Variants in MNAT1 observed in about 807,000 individuals in gnomAD.
MNAT1 encodes CDK-activating kinase assembly factor MAT1.
In MNAT1, 43 loss-of-function variants were observed where a neutral mutation model predicts 42.0. That is an observed-to-expected ratio of 1.02 (90% CI 0.80 to 1.32). MNAT1 has a LOEUF of 1.32. MNAT1 is among the 40% of genes most tolerant of loss of function. The probability of loss-of-function intolerance (pLI) is 0.00; values close to 1 mark genes in which losing one functional copy is unlikely to be tolerated. For synonymous variants in MNAT1, 118 were observed against 120.0 expected (o/e 0.98, Z 0.11); for missense variants, 306 against 350.4 (o/e 0.87, Z 1.01).
chr14:60,833,509 T>A (rs766839010), intron 6 of MNAT1, among the ~76,000 whole-genome samples: 1 of 152,220 alleles, frequency 6.6e-6, no homozygotes, highest in Non-Finnish European at 1.5e-5. Flanking sequence ...GAACCAACCT[T>A]GCATCCCAGG....
intron 7 of MNAT1, among the ~76,000 whole-genome samples, chr14:60,887,206 T>G (rs1211712551): frequency 6.6e-6 from 1 of 152,062 alleles, no homozygotes; most frequent in Non-Finnish European, 1.5e-5. Flanking sequence ...CAGAGCTGTT[T>G]TTTTTTCTTG....
At chr14:60,918,119 T>C (rs2139544571) in intron 7 of MNAT1, among the ~76,000 whole-genome samples, 1 of 151,982 alleles carries the variant, frequency 6.6e-6, no homozygotes. Context: ...ACCACCATCT[T>C]TTTTATTCCA....
chr14:60,955,317 G>A (rs1045058421), intron 7 of MNAT1, among the ~76,000 whole-genome samples: 1 of 151,964 alleles, frequency 6.6e-6, no homozygotes, highest in South Asian at 2.1e-4. Flanking sequence ...GGAGAATTCA[G>A]CAATGAAGCC....
chr14:60,828,917 G>A (rs1421604851), intron 6 of MNAT1, among the ~76,000 whole-genome samples: 2 of 152,160 alleles, frequency 1.3e-5, no homozygotes, highest in East Asian at 1.9e-4. Flanking sequence ...AGGTATGTGG[G>A]AAGGGACGTG....
chr14:60,882,931 A>G (rs1387192818), intron 7 of MNAT1, among the ~76,000 whole-genome samples: 3 of 152,058 alleles, frequency 2.0e-5, no homozygotes. Context: ...AAGTTGGATT[A>G]TTACATTTTT....
At chr14:60,792,073 T>A (rs2031841541) in intron 1 of MNAT1, among the ~76,000 whole-genome samples, 1 of 152,200 alleles carries the variant, frequency 6.6e-6, no homozygotes, top group Non-Finnish European at 1.5e-5. Flanking sequence ...GTAGCTAATT[T>A]GTAAGCAAAC....
intron 7 of MNAT1, among the ~76,000 whole-genome samples, chr14:60,883,665 G>T (rs556208922): frequency 6.6e-6 from 1 of 152,044 alleles, no homozygotes; most frequent in South Asian, 2.1e-4. Context: ...AGATTGCTTT[G>T]GGTACTATGG....
chr14:60,751,782 T>C (rs1344869622), intron 1 of MNAT1, among the ~76,000 whole-genome samples: 1 of 152,060 alleles, frequency 6.6e-6, no homozygotes, highest in Admixed American at 6.5e-5. Context: ...AAAAAGAATT[T>C]TGAGATGAGG....
chr14:60,966,285 A>G (rs2036681550), intron 7 of MNAT1, among the ~76,000 whole-genome samples: 1 of 151,750 alleles, frequency 6.6e-6, no homozygotes, highest in African/African-American at 2.4e-5. Flanking sequence ...GTGCCTGGCT[A>G]CTTTTTCTAT....
Position 60,866,527 on chromosome 14 carries a change from A to T in MNAT1, c.688-13187A>T, listed in dbSNP as rs185222850. Among the ~76,000 whole-genome samples, 23 of 152,064 alleles carry T rather than the reference A, an allele frequency of 1.5e-4. No individual in the cohort carries two copies. The East Asian group carries it at 4.1e-3, about 27-fold the overall frequency. ...TTTTGCATTTTTCAGGGAGGGAAAA[A>T]TTTGTACGAATGAAATTATAGTCAA... On this transcript the variant is annotated intron_variant, in intron 6 of 7. Transcript: ENST00000261245.
In MNAT1 at chr14:60,770,254, T is replaced by G. The variant is rs145480698; in HGVS notation, c.90-25963T>G. ...TGAGGTTCATCCATGTTTTAGCATG[T>G]GACAGGATTTCCTTTTTTAAAAGGT... On this transcript the variant is annotated intron_variant, in intron 1 of 7. Coordinates refer to ENST00000261245, the MANE Select transcript of MNAT1 (RefSeq NM_002431.4). 1.8e-3 allele frequency among the ~76,000 whole-genome samples: 267 copies of G among 152,332 alleles called. 1 individual carries two copies. The highest frequency in any genetic ancestry group is 5.7e-3 in the African/African-American group (237 of 41,586).
intron 7 of MNAT1, among the ~76,000 whole-genome samples, chr14:60,907,769 C>T (rs984774966): frequency 4.9e-5 from 4 of 81,446 alleles, no homozygotes; most frequent in African/African-American, 8.6e-5. Context: ...ACAACAAGAG[C>T]GAAACTGTGT....
At chr14:60,904,976 C>CTTTTTTTTTTTTTTTTTTTT in intron 7 of MNAT1, among the ~76,000 whole-genome samples, 1 of 79,008 alleles carries the variant, frequency 1.3e-5, no homozygotes. Context: ...TCAGCAGTTC[C>CTTTTTTTTTTTTTTTTTTTT]TTTTTTTTTT....
At chr14:60,952,266 T>C (rs2036397397) in intron 7 of MNAT1, among the ~76,000 whole-genome samples, 1 of 152,166 alleles carries the variant, frequency 6.6e-6, no homozygotes, top group African/African-American at 2.4e-5. Context: ...CAGTAGGCCT[T>C]GAATGGTAGG....
intron 7 of MNAT1, among the ~76,000 whole-genome samples, chr14:60,937,645 G>T (rs897466790): frequency 6.6e-6 from 1 of 152,184 alleles, no homozygotes; most frequent in Non-Finnish European, 1.5e-5. Context: ...TTGTAATATA[G>T]TTTGAAGTCA....
chr14:60,849,766 T>C (rs1284452654), intron 6 of MNAT1, among the ~76,000 whole-genome samples: 1 of 152,174 alleles, frequency 6.6e-6, no homozygotes, highest in Non-Finnish European at 1.5e-5. Context: ...CAGAAAATAA[T>C]GTTAGATACT....
intron 6 of MNAT1, among the ~76,000 whole-genome samples, chr14:60,824,418 AG>A (rs1274560591): frequency 1.3e-5 from 2 of 152,218 alleles, no homozygotes; most frequent in African/African-American, 4.8e-5. Context: ...GTGGCTATGT[AG>A]GTACTTAAAT....
At chr14:60,776,574 G>A (rs140534956) in intron 1 of MNAT1, among the ~76,000 whole-genome samples, 21 of 152,232 alleles carry the variant, frequency 1.4e-4, no homozygotes, top group South Asian at 4.1e-4. Context: ...CTGTCCTGGG[G>A]GGGGAGGAGC....
intron 6 of MNAT1, among the ~76,000 whole-genome samples, chr14:60,826,742 C>T (rs1192862778): frequency 6.6e-6 from 1 of 152,124 alleles, no homozygotes; most frequent in African/African-American, 2.4e-5. Flanking sequence ...TGGTTCAAAT[C>T]CTGTCAATAT....
Sources: allele counts gnomAD v4.1 joint callset (sites outside exome capture counted in the v4.1 genomes callset), GRCh38; gene constraint gnomAD v4.1.1; transcripts MANE v1.5; gene names NCBI Gene and HGNC (gene_info 2026-07-23, HGNC 2026-07-21).